The following GOLGA3 variants were observed in gnomAD, a reference collection of about 807,000 sequenced individuals.
GOLGA3 encodes golgin A3, also known as golgin subfamily A member 3.
GOLGA3 carries 75 observed loss-of-function variants against 169.4 expected under a neutral mutation model. The ratio of observed to expected loss-of-function variants is 0.44; its 90% CI spans 0.37 to 0.54. GOLGA3 has a LOEUF of 0.54. GOLGA3 is among the 20% of genes least tolerant of loss of function. The pLI is 0.00. For synonymous variants in GOLGA3, 824 were observed against 822.4 expected, an observed-to-expected ratio of 1.00 and a Z score of -0.03; for missense variants, 1,899 against 1,930.0, an observed-to-expected ratio of 0.98 and a Z score of 0.30.
chr12:132,780,546 C>T (rs2045542593), intron 18 of GOLGA3, among the ~76,000 whole-genome samples: 1 of 152,246 alleles, frequency 6.6e-6, no homozygotes, highest in Non-Finnish European at 1.5e-5. Flanking sequence ...GACACCACTC[C>T]CAGCACAATA....
At chr12:132,788,577 G>A (rs1423292393) in intron 13 of GOLGA3, among the ~76,000 whole-genome samples, 1 of 152,186 alleles carries the variant, frequency 6.6e-6, no homozygotes, top group Admixed American at 6.5e-5. Context: ...GCTCTGGTCA[G>A]TCCCAGCTCC....
At position 132,795,606 on chromosome 12, in the gene GOLGA3, C is replaced by G. The variant is rs113949134; in HGVS notation, c.2469+246G>C. ...CGAAACCCCATCTCTACTACAAATACAAAAATTAGCTGGGCATGGTGGCGC... is the reference window on the plus strand; with the variant it reads ...CGAAACCCCATCTCTACTACAAATAGAAAAATTAGCTGGGCATGGTGGCGC... On this transcript the variant is annotated intron_variant, in intron 11 of 23. Transcript: ENST00000450791. Among the ~76,000 whole-genome samples, 75 of 152,210 alleles carry G rather than the reference C, an allele frequency of 4.9e-4. 1 individual carries two copies. Among genetic ancestry groups the G allele is most frequent in the African/African-American group, 1.8e-3 (75 of 41,544 alleles).
chr12:132,787,347 TGGACCCA>T (rs1481355496), intron 13 of GOLGA3, among the ~76,000 whole-genome samples: 1 of 151,976 alleles, frequency 6.6e-6, no homozygotes, highest in Non-Finnish European at 1.5e-5. Context: ...GGAAAGCCTG[TGGACCCA>T]GGACCTCTCC....
intron 16 of GOLGA3, among the ~76,000 whole-genome samples, chr12:132,783,686 A>T (rs1593252236): frequency 6.6e-6 from 1 of 152,048 alleles, no homozygotes; most frequent in Admixed American, 6.5e-5. Context: ...CAAGCGGTTT[A>T]CCTGCCTCAG....
chr12:132,805,099 C>A, intron 6 of GOLGA3, 77 bp from the exon 7 acceptor site: 1 of 1,480,940 alleles, frequency 6.8e-7, no homozygotes, highest in Admixed American at 2.0e-5. Flanking sequence ...GGAACACAAC[C>A]AGCGAGTCAG....
intron 11 of GOLGA3, among the ~76,000 whole-genome samples, chr12:132,795,577 A>G (rs7315163): frequency 0.33 from 50,782 of 151,968 alleles, 9,703 homozygotes; most frequent in Non-Finnish European, 0.44. Flanking sequence ...CCTGGCCAAC[A>G]TGGCGAAACC....
chr12:132,782,323 C>A lies in GOLGA3; in HGVS notation c.3438G>T (p.Glu1146Asp). ...SILETALAKR[E>D]ADLVQLNLQV... ...GAAGGTTCAACTGGACTAGGTCTGCCTCCCTCTTGGCCAAAGCTGTTTCTA... is the reference window on the plus strand; with the variant it reads ...GAAGGTTCAACTGGACTAGGTCTGCATCCCTCTTGGCCAAAGCTGTTTCTA... Residue 1146 changes from glutamate to aspartate, a missense_variant, in exon 17 of 24, where the codon GAG (glutamate) becomes GAT (aspartate). By Grantham distance (45) the Glu-to-Asp change is conservative. Coordinates refer to ENST00000450791, the MANE Select transcript of GOLGA3 (RefSeq NM_001389683.1). 1.2e-6 allele frequency: 2 copies of A among 1,614,218 alleles called. No individual in the cohort carries two copies. The highest frequency in any genetic ancestry group is 1.7e-6 in the Non-Finnish European group (2 of 1,180,030).
At chr12:132,828,160 G>C (rs935866865) in intron 1 of GOLGA3, among the ~76,000 whole-genome samples, 1 of 152,052 alleles carries the variant, frequency 6.6e-6, no homozygotes, top group Non-Finnish European at 1.5e-5. Context: ...GAAGTCGCCC[G>C]CCCCCCAGGC....
chr12:132,780,493 T>C (rs564359600), intron 18 of GOLGA3, among the ~76,000 whole-genome samples: 1 of 152,330 alleles, frequency 6.6e-6, no homozygotes, highest in East Asian at 1.9e-4. Flanking sequence ...TGGGATCATA[T>C]GCTATTCTCA....
chr12:132,797,039 C>T (rs1176077551), intron 9 of GOLGA3, among the ~76,000 whole-genome samples: 1 of 152,230 alleles, frequency 6.6e-6, no homozygotes, highest in East Asian at 1.9e-4. Flanking sequence ...TTGGTGCTAC[C>T]GGGTAAGAGA....
intron 12 of GOLGA3, 93 bp from the exon 13 acceptor site, chr12:132,789,383 A>G: frequency 9.1e-7 from 1 of 1,100,516 alleles, no homozygotes; most frequent in Non-Finnish European, 1.3e-6. Context: ...AATGTTTACC[A>G]CTTATCGGGG....
intron 4 of GOLGA3, chr12:132,811,843 G>A: frequency 1.0e-6 from 1 of 954,702 alleles, no homozygotes; most frequent in Non-Finnish European, 1.2e-6. Context: ...CTACTGAAGA[G>A]ATCCTTTTGA....
In GOLGA3 at chr12:132,771,767, G is replaced by T. The variant is rs2044906047; in HGVS notation, c.*1338C>A. The T allele has an allele frequency of 6.6e-6, 1 of 152,160 alleles. No homozygotes were observed. Among genetic ancestry groups the T allele is most frequent in the African/African-American group, 2.4e-5 (1 of 41,402 alleles). 9.4% of individuals were successfully genotyped at this position (152,160 alleles called of 1,614,324 possible). ...TTTCACTTGGGGAACAGGAGTGTGA[G>T]GTTTGTTACCGCCTGCGACCTACAC... On this transcript the variant is annotated 3_prime_UTR_variant, in exon 24 of 24. Coordinates refer to ENST00000450791, the MANE Select transcript of GOLGA3 (RefSeq NM_001389683.1).
intron 4 of GOLGA3, among the ~76,000 whole-genome samples, chr12:132,812,192 T>TACACACACACACACACAC (rs140337948): frequency 1.5e-5 from 2 of 135,008 alleles, no homozygotes; most frequent in Non-Finnish European, 3.1e-5. Flanking sequence ...TGTCTCAAAA[T>TACACACACACACACACAC]ACACACACAC....
intron 15 of GOLGA3, 96 bp from the exon 16 acceptor site, chr12:132,784,403 AC>A (rs2045781480): frequency 1.0e-6 from 1 of 992,316 alleles, no homozygotes. Flanking sequence ...GTGTGGCTGC[AC>A]ACACCAGACA....
chr12:132,826,255 A>G (rs1034792771), intron 1 of GOLGA3: 30 of 1,271,868 alleles, frequency 2.4e-5, no homozygotes, highest in African/African-American at 2.1e-4. Flanking sequence ...AAAAAAAAAA[A>G]AAAGAAACTG....
rs538582490 is a variant in GOLGA3, at chr12:132,813,404, G to A, written c.422C>T (p.Pro141Leu). 6.2e-7 allele frequency: 1 copy of A among 1,607,952 alleles called. No homozygotes were observed. Among genetic ancestry groups the A allele is most frequent in the South Asian group, 1.1e-5 (1 of 90,632 alleles). ...QETQLCSTDS[P>L]LPLEKEEQVR... ...CTGCTCCTCCTTCTCCAGGGGCAGG[G>A]GAGAATCTGTAGAGCCTGCAGTGGG... Residue 141 changes from proline to leucine, a missense_variant, in exon 4 of 24, where the codon CCC becomes CTC. Coordinates refer to ENST00000450791, the MANE Select transcript of GOLGA3 (RefSeq NM_001389683.1).
At chr12:132,781,745 T>C (rs951459265) in intron 17 of GOLGA3, among the ~76,000 whole-genome samples, 1 of 152,160 alleles carries the variant, frequency 6.6e-6, no homozygotes, top group African/African-American at 2.4e-5. Context: ...CCCAGCCTAG[T>C]CCTCAATTCA....
At chr12:132,785,551 G>A (rs1484101805) in intron 15 of GOLGA3, among the ~76,000 whole-genome samples, 4 of 152,086 alleles carry the variant, frequency 2.6e-5, no homozygotes, top group African/African-American at 9.7e-5. Context: ...GTGCTCAAGC[G>A]ATCCTCCTGC....
Sources: allele counts gnomAD v4.1 joint callset (sites outside exome capture counted in the v4.1 genomes callset), GRCh38; gene constraint gnomAD v4.1.1; transcripts MANE v1.5; gene names NCBI Gene and HGNC (gene_info 2026-07-23, HGNC 2026-07-21).